The following CNTNAP2 variants were observed in gnomAD, a reference collection of about 807,000 sequenced individuals.
The protein encoded by CNTNAP2 is contactin associated protein 2.
In CNTNAP2, 98 loss-of-function variants were observed where a neutral mutation model predicts 155.2. The observed-to-expected ratio is 0.63, with a 90% CI of 0.54 to 0.75. CNTNAP2 has a LOEUF of 0.75. Ranked by LOEUF, CNTNAP2 falls within the 30% of genes least tolerant of loss-of-function variation. The pLI is 0.00. For missense variants in CNTNAP2, 1,727 were observed against 1,688.1 expected (o/e 1.02, Z -0.40); for synonymous variants, 651 against 631.2 (o/e 1.03, Z -0.47).
At chr7:148,288,765 T>C (rs746633455) in intron 21 of CNTNAP2, among the ~76,000 whole-genome samples, 1 of 152,030 alleles carries the variant, frequency 6.6e-6, no homozygotes, top group Non-Finnish European at 1.5e-5. Flanking sequence ...TGCAAAACCT[T>C]TCCACCAAGA....
chr7:148,037,933 G>A (rs978708070), intron 15 of CNTNAP2, among the ~76,000 whole-genome samples: 5 of 152,168 alleles, frequency 3.3e-5, no homozygotes, highest in Admixed American at 2.6e-4. Flanking sequence ...TGTAAGTGGA[G>A]GAGTATCTTT....
intron 22 of CNTNAP2, among the ~76,000 whole-genome samples, chr7:148,385,466 G>A (rs956330245): frequency 3.3e-5 from 5 of 152,130 alleles, no homozygotes; most frequent in Non-Finnish European, 5.9e-5. Flanking sequence ...CCAAATGCCC[G>A]AGTAGACAAA....
At chr7:146,974,294 C>T (rs1474286083) in intron 3 of CNTNAP2, among the ~76,000 whole-genome samples, 1 of 151,058 alleles carries the variant, frequency 6.6e-6, no homozygotes, top group African/African-American at 2.4e-5. Flanking sequence ...AAAAATTAGC[C>T]AGGTGTGGTG....
At chr7:146,151,470 A>T (rs936451398) in intron 1 of CNTNAP2, among the ~76,000 whole-genome samples, 2 of 150,394 alleles carry the variant, frequency 1.3e-5, no homozygotes, top group Non-Finnish European at 3.0e-5. Flanking sequence ...TACATTTTAT[A>T]TATAAATGAG....
intron 13 of CNTNAP2, among the ~76,000 whole-genome samples, chr7:147,683,826 CT>C (rs895816297): frequency 1.9e-4 from 27 of 141,014 alleles, no homozygotes; most frequent in South Asian, 2.3e-4. Context: ...AATTCCTCTT[CT>C]TTTTTTTTTA....
chr7:147,559,290 AATTT>A lies in CNTNAP2; in HGVS notation c.1778-2847_1778-2844del, dbSNP rs775017232. On this transcript the variant is annotated intron_variant, in intron 11 of 23. Transcript: ENST00000361727. Reference sequence around the variant, plus strand: ...GTGAGGTAAGCGAGCTCCTGTGGGGAATTTGCCTGACCAGAGCACAACATTCACA... The same window carrying A: ...GTGAGGTAAGCGAGCTCCTGTGGGGAGCCTGACCAGAGCACAACATTCACA... 7.5e-4 allele frequency among the ~76,000 whole-genome samples: 114 copies of A among 152,324 alleles called. No individual in the cohort carries two copies. The East Asian group carries it at 0.01, about 14-fold the overall frequency.
chr7:146,824,262 C>T (rs1344717227), intron 2 of CNTNAP2, among the ~76,000 whole-genome samples: 1 of 152,100 alleles, frequency 6.6e-6, no homozygotes. Flanking sequence ...GTATATGTGA[C>T]ACATTTTCTT....
intron 3 of CNTNAP2, among the ~76,000 whole-genome samples, chr7:146,917,764 C>G (rs908069040): frequency 6.6e-6 from 1 of 152,090 alleles, no homozygotes; most frequent in Admixed American, 6.6e-5. Flanking sequence ...TTTTCCTGTA[C>G]AATTTCTCTC....
chr7:147,891,258 G>A lies in CNTNAP2; in HGVS notation c.2099-12307G>A, dbSNP rs368691453. Among the ~76,000 whole-genome samples the A allele has an allele frequency of 5.0e-4, 76 of 151,328 alleles. 1 individual carries two copies. The highest frequency in any genetic ancestry group is 1.6e-3 in the African/African-American group (66 of 41,142). Reference sequence around the variant, plus strand: ...CTCACTCTGTCGCCCAGGCTGGAGCGCAGTGGTGAGATCTTGGCTCACTGC... The same window carrying A: ...CTCACTCTGTCGCCCAGGCTGGAGCACAGTGGTGAGATCTTGGCTCACTGC... On this transcript the variant is annotated intron_variant, in intron 13 of 23. Coordinates refer to ENST00000361727, the MANE Select transcript of CNTNAP2 (RefSeq NM_014141.6).
chr7:146,705,954 GAC>G (rs1563196587), intron 1 of CNTNAP2, among the ~76,000 whole-genome samples: 1 of 152,164 alleles, frequency 6.6e-6, no homozygotes, highest in Non-Finnish European at 1.5e-5. Context: ...ATTTTGAAGA[GAC>G]ACAAACATTC....
intron 2 of CNTNAP2, among the ~76,000 whole-genome samples, chr7:146,799,347 C>T (rs902341533): frequency 3.3e-5 from 5 of 152,112 alleles, no homozygotes; most frequent in East Asian, 1.9e-4. Context: ...CCCTAGGTGA[C>T]GTCTCCTTAA....
At chr7:147,032,375 A>T (rs1016332938) in intron 3 of CNTNAP2, among the ~76,000 whole-genome samples, 2 of 152,320 alleles carry the variant, frequency 1.3e-5, no homozygotes, top group African/African-American at 4.8e-5. Flanking sequence ...TAAGGTTAAG[A>T]TCAATATGAT....
intron 13 of CNTNAP2, among the ~76,000 whole-genome samples, chr7:147,763,082 A>G (rs1026653647): frequency 1.3e-5 from 2 of 151,966 alleles, no homozygotes; most frequent in Non-Finnish European, 2.9e-5. Flanking sequence ...AACATGGAGA[A>G]GCCCCCGTCT....
intron 13 of CNTNAP2, among the ~76,000 whole-genome samples, chr7:147,660,884 G>T (rs932253581): frequency 6.6e-6 from 1 of 152,118 alleles, no homozygotes; most frequent in East Asian, 1.9e-4. Context: ...TGAGGTCTTT[G>T]TTAAGGGAGA....
chr7:147,085,244 T>C (rs1183640100), intron 4 of CNTNAP2, among the ~76,000 whole-genome samples: 1 of 152,106 alleles, frequency 6.6e-6, no homozygotes, highest in Non-Finnish European at 1.5e-5. Context: ...CTGGGAAAAC[T>C]GTACTGTAGG....
chr7:147,765,853 T>A (rs1395104771), intron 13 of CNTNAP2, among the ~76,000 whole-genome samples: 2 of 152,112 alleles, frequency 1.3e-5, no homozygotes, highest in East Asian at 3.8e-4. Context: ...AAACAAGGGA[T>A]GATATACTCG....
intron 12 of CNTNAP2, among the ~76,000 whole-genome samples, chr7:147,629,515 T>G (rs1324313887): frequency 6.6e-6 from 1 of 151,602 alleles, no homozygotes; most frequent in African/African-American, 2.4e-5. Context: ...ACTCAACAAC[T>G]GCAGGATATA....
chr7:148,032,001 C>G (rs995676225), intron 15 of CNTNAP2, among the ~76,000 whole-genome samples: 1 of 152,106 alleles, frequency 6.6e-6, no homozygotes, highest in African/African-American at 2.4e-5. Context: ...TGTTGCAAGT[C>G]GACAAATCGC....
intron 13 of CNTNAP2, among the ~76,000 whole-genome samples, chr7:147,891,464 A>G (rs920237723): frequency 2.8e-4 from 43 of 152,140 alleles, no homozygotes; most frequent in Non-Finnish European, 5.3e-4. Context: ...CAGCCTCCCA[A>G]AGTGCTGGGA....
Sources: allele counts gnomAD v4.1 joint callset (sites outside exome capture counted in the v4.1 genomes callset), GRCh38; gene constraint gnomAD v4.1.1; transcripts MANE v1.5; gene names NCBI Gene and HGNC (gene_info 2026-07-23, HGNC 2026-07-21).